The following SNTB1 variants were observed in gnomAD, a reference collection of about 807,000 sequenced individuals.
SNTB1 encodes the protein syntrophin beta 1.
SNTB1 carries 36 observed loss-of-function variants against 48.9 expected under a neutral mutation model. The observed-to-expected ratio is 0.74, with a 90% CI of 0.56 to 0.97. SNTB1 has a LOEUF of 0.97. Among genes scored for constraint, SNTB1 ranks in the 50% least tolerant of loss-of-function variants. SNTB1 has a pLI of 0.00. For synonymous variants in SNTB1, 299 were observed against 294.6 expected, an observed-to-expected ratio of 1.01 and a Z score of -0.15; for missense variants, 786 against 703.4, an observed-to-expected ratio of 1.12 and a Z score of -1.33.
At chr8:120,597,151 A>G (rs891161319) in intron 3 of SNTB1, among the ~76,000 whole-genome samples, 4 of 152,226 alleles carry the variant, frequency 2.6e-5, no homozygotes, top group African/African-American at 9.6e-5. Context: ...ATAGAAACAG[A>G]GACTAGAGTG....
intron 4 of SNTB1, chr8:120,571,500 TTTTTTTTTTTTTTTTG>T (rs1275436086): frequency 2.7e-5 from 10 of 369,744 alleles, no homozygotes; most frequent in African/African-American, 2.6e-4. Flanking sequence ...TTTTTTTTTT[TTTTTTTTTTTTTTTTG>T]AGACAGAGTC....
rs529310331 is a variant in SNTB1 at position 120,571,750 on chromosome 8, C to T, written c.1136+3336G>A. ...CTGATTTCAGGTGATCTGCCCTCCT[C>T]GGCCTCCCAGAGTGCTGGGATTACA... On this transcript the variant is annotated intron_variant, in intron 4 of 6. Transcript: ENST00000517992. 5.3e-5 allele frequency among the ~76,000 whole-genome samples: 8 copies of T among 152,118 alleles called. No individual in the cohort carries two copies. In the South Asian group the frequency reaches 1.7e-3, roughly 32 times the overall value.
chr8:120,738,066 C>CTAGG (rs1218821544), intron 1 of SNTB1, among the ~76,000 whole-genome samples: 2 of 152,062 alleles, frequency 1.3e-5, no homozygotes, highest in African/African-American at 2.4e-5. Context: ...GGAGGGTTGA[C>CTAGG]TAGGTCATAA....
chr8:120,781,390 T>G (rs1280881724), intron 1 of SNTB1, among the ~76,000 whole-genome samples: 2 of 152,180 alleles, frequency 1.3e-5, no homozygotes, highest in Non-Finnish European at 2.9e-5. Context: ...TAACCAAAGA[T>G]ATTTTTCACT....
chr8:120,681,233 C>T (rs1049951934), intron 2 of SNTB1, among the ~76,000 whole-genome samples: 3 of 152,218 alleles, frequency 2.0e-5, no homozygotes, highest in South Asian at 4.2e-4. Flanking sequence ...GGATTCTCTT[C>T]GGGAAAAACG....
chr8:120,661,580 T>C (rs945223425), intron 2 of SNTB1, among the ~76,000 whole-genome samples: 3 of 152,202 alleles, frequency 2.0e-5, no homozygotes, highest in Admixed American at 6.5e-5. Flanking sequence ...GCTGCACCTA[T>C]CAACCCGTCA....
intron 1 of SNTB1, among the ~76,000 whole-genome samples, chr8:120,803,187 C>T (rs752023979): frequency 1.3e-5 from 2 of 152,082 alleles, no homozygotes; most frequent in African/African-American, 2.4e-5. Flanking sequence ...TAGATGTAGT[C>T]GTTTATAAAA....
chr8:120,610,543 T>C (rs1386707295), intron 3 of SNTB1, among the ~76,000 whole-genome samples: 1 of 151,918 alleles, frequency 6.6e-6, no homozygotes, highest in Non-Finnish European at 1.5e-5. Context: ...CTAAAGTTTT[T>C]TGTTTGTTTG....
chr8:120,713,551 GAAA>G (rs1818502897), intron 1 of SNTB1, among the ~76,000 whole-genome samples: 1 of 152,128 alleles, frequency 6.6e-6, no homozygotes, highest in Non-Finnish European at 1.5e-5. Flanking sequence ...CCAATATGGT[GAAA>G]CCCCATCTCT....
At chr8:120,703,776 G>A (rs1818341718) in intron 1 of SNTB1, among the ~76,000 whole-genome samples, 1 of 152,138 alleles carries the variant, frequency 6.6e-6, no homozygotes. Context: ...GTGGACCCAC[G>A]GGCTGTAGTC....
At chr8:120,772,743 C>A (rs1357735422) in intron 1 of SNTB1, among the ~76,000 whole-genome samples, 1 of 152,082 alleles carries the variant, frequency 6.6e-6, no homozygotes, top group African/African-American at 2.4e-5. Flanking sequence ...AATTGATGGA[C>A]TCTGGCATCC....
chr8:120,804,586 G>C (rs1416050544), intron 1 of SNTB1, among the ~76,000 whole-genome samples: 1 of 152,062 alleles, frequency 6.6e-6, no homozygotes, highest in Non-Finnish European at 1.5e-5. Context: ...CCTACTCTCT[G>C]GCACTTCCAT....
intron 5 of SNTB1, among the ~76,000 whole-genome samples, chr8:120,544,277 A>T (rs1815340783): frequency 6.6e-6 from 1 of 152,174 alleles, no homozygotes; most frequent in African/African-American, 2.4e-5. Context: ...ATCTGACCTC[A>T]AATACTCTGG....
chr8:120,621,377 T>G (rs1816791848), intron 3 of SNTB1, among the ~76,000 whole-genome samples: 1 of 152,140 alleles, frequency 6.6e-6, no homozygotes, highest in Non-Finnish European at 1.5e-5. Context: ...AACCTGCAAC[T>G]GAGAAGATGC....
In SNTB1 at chr8:120,614,976, T is replaced by TA. The variant is rs61318757; in HGVS notation, c.996+17467dup. Among the ~76,000 whole-genome samples, 563 of 73,232 alleles carry TA rather than the reference T, an allele frequency of 7.7e-3. 12 individuals are homozygous for TA. The highest frequency in any genetic ancestry group is 0.022 in the South Asian group (41 of 1,836). The allele number at this position is 73,232 out of a possible 152,430, so 48.0% of individuals were successfully genotyped here. On this transcript the variant is annotated intron_variant, in intron 3 of 6. Coordinates refer to ENST00000517992, the MANE Select transcript of SNTB1 (RefSeq NM_021021.4). ...CAACATGGTGAAATCTCACCTCTACTAAAAAAAAAAAAAAAAAAAAAAAAA... is the reference window on the plus strand; with the variant it reads ...CAACATGGTGAAATCTCACCTCTACTAAAAAAAAAAAAAAAAAAAAAAAAAA...
intron 1 of SNTB1, among the ~76,000 whole-genome samples, chr8:120,805,794 C>T (rs189375801): frequency 1.9e-4 from 29 of 152,290 alleles, no homozygotes; most frequent in Admixed American, 1.6e-3. Flanking sequence ...GCTTCACTTT[C>T]CTAATCAACA....
intron 2 of SNTB1, chr8:120,635,945 C>A: frequency 1.9e-6 from 1 of 525,410 alleles, no homozygotes; most frequent in East Asian, 4.9e-5. Context: ...TTGATTTTCT[C>A]CAAAGCTTTC....
At chr8:120,736,821 G>A (rs1818951149) in intron 1 of SNTB1, among the ~76,000 whole-genome samples, 1 of 152,172 alleles carries the variant, frequency 6.6e-6, no homozygotes, top group African/African-American at 2.4e-5. Context: ...TGAGCCACAG[G>A]CACACATCAT....
At chr8:120,587,664 T>G (rs2130703258) in intron 3 of SNTB1, among the ~76,000 whole-genome samples, 1 of 152,328 alleles carries the variant, frequency 6.6e-6, no homozygotes, top group Admixed American at 6.5e-5. Context: ...GCATCATTGT[T>G]TGAAGAGCTC....
Sources: allele counts gnomAD v4.1 joint callset (sites outside exome capture counted in the v4.1 genomes callset), GRCh38; gene constraint gnomAD v4.1.1; transcripts MANE v1.5; gene names NCBI Gene and HGNC (gene_info 2026-07-23, HGNC 2026-07-21).